Variants in MMS22L observed in about 807,000 individuals in gnomAD.
The protein encoded by MMS22L is MMS22 like, DNA repair protein.
Under a neutral mutation model 159.1 loss-of-function variants are expected in MMS22L, and 74 were observed. The observed-to-expected ratio is 0.47, with a 90% CI of 0.39 to 0.56. The LOEUF (loss-of-function observed/expected upper bound fraction) is 0.56, where lower values mean the gene tolerates loss of function less well. Ranked by LOEUF, MMS22L falls within the 20% of genes least tolerant of loss-of-function variation. The pLI is 0.00. For synonymous variants in MMS22L, 517 were observed against 506.9 expected, an observed-to-expected ratio of 1.02 and a Z score of -0.27; for missense variants, 1,351 against 1,422.1, an observed-to-expected ratio of 0.95 and a Z score of 0.80.
chr6:97,255,915 TC>T (rs1434315322), intron 9 of MMS22L, among the ~76,000 whole-genome samples: 3 of 152,126 alleles, frequency 2.0e-5, no homozygotes, highest in African/African-American at 7.2e-5. Flanking sequence ...TCAAAATTTT[TC>T]CAATATTTGT....
intron 14 of MMS22L, among the ~76,000 whole-genome samples, chr6:97,202,496 T>C (rs929070975): frequency 6.6e-6 from 1 of 152,218 alleles, no homozygotes; most frequent in Non-Finnish European, 1.5e-5. Context: ...TGACTTTGGG[T>C]TCCTGAGCTA....
At chr6:97,200,634 T>C (rs1318822734) in intron 14 of MMS22L, among the ~76,000 whole-genome samples, 1 of 152,000 alleles carries the variant, frequency 6.6e-6, no homozygotes, top group East Asian at 1.9e-4. Flanking sequence ...AATCCATGCA[T>C]ATGCTGGGAT....
At chr6:97,198,905 A>G (rs1806834939) in intron 14 of MMS22L, among the ~76,000 whole-genome samples, 1 of 152,044 alleles carries the variant, frequency 6.6e-6, no homozygotes, top group Non-Finnish European at 1.5e-5. Context: ...CTCTCAATAA[A>G]CTTTATTCAG....
At chr6:97,191,607 T>A (rs926029156) in intron 14 of MMS22L, among the ~76,000 whole-genome samples, 3 of 152,302 alleles carry the variant, frequency 2.0e-5, no homozygotes, top group South Asian at 4.1e-4. Context: ...GTGAAAAATA[T>A]AATGGAAAAT....
rs750405520 is a variant in MMS22L, at chr6:97,162,041, C to T, written c.3346G>A (p.Gly1116Ser). Residue 1116 changes from glycine (G) to serine (S), a missense_variant, in exon 22 of 25, where the codon GGC becomes AGC. Physicochemically the swap from Gly to Ser is moderately conservative, Grantham distance 56. Coordinates refer to ENST00000683635, the MANE Select transcript of MMS22L (RefSeq NM_001350599.2). ...DIYEVELLLPGILKCLVLVSE... is the reference protein window; with the variant it reads ...DIYEVELLLPSILKCLVLVSE... ...ACTAACACCAAGCATTTTAAAATGCCAGGGAGGAGTAGTTCAACTTCATAA... is the reference window on the plus strand; with the variant it reads ...ACTAACACCAAGCATTTTAAAATGCTAGGGAGGAGTAGTTCAACTTCATAA... 1 of 1,611,554 alleles carries T rather than the reference C, an allele frequency of 6.2e-7. No individual in the cohort carries two copies. Among genetic ancestry groups the T allele is most frequent in the Non-Finnish European group, 8.5e-7 (1 of 1,178,824 alleles).
At chr6:97,282,029 ATAGT>A (rs1271972747) in intron 2 of MMS22L, among the ~76,000 whole-genome samples, 1 of 152,192 alleles carries the variant, frequency 6.6e-6, no homozygotes, top group Non-Finnish European at 1.5e-5. Context: ...AAAGGCTCAG[ATAGT>A]TAGGAATTCA....
chr6:97,189,263 TAA>T (rs10707402), intron 14 of MMS22L, among the ~76,000 whole-genome samples: 166 of 139,328 alleles, frequency 1.2e-3, no homozygotes, highest in South Asian at 2.5e-3. Context: ...CCATTAGGTT[TAA>T]AAAAAAAAAA....
At chr6:97,149,448 T>G (rs1801106661) in intron 24 of MMS22L, among the ~76,000 whole-genome samples, 1 of 152,120 alleles carries the variant, frequency 6.6e-6, no homozygotes, top group South Asian at 2.1e-4. Context: ...ATACACATGA[T>G]ACAGTTGACT....
intron 15 of MMS22L, 138 bp from the exon 16 acceptor site, chr6:97,182,192 G>C (rs1804789363): frequency 1.4e-6 from 1 of 695,664 alleles, no homozygotes; most frequent in African/African-American, 1.8e-5. Context: ...TAGAAATGTA[G>C]AGCAAACAAA....
chr6:97,250,907 A>AG (rs577009470), intron 10 of MMS22L, among the ~76,000 whole-genome samples: 82 of 152,300 alleles, frequency 5.4e-4, no homozygotes, highest in African/African-American at 1.9e-3. Context: ...AGTAGAATAA[A>AG]GCATGCTTAC....
At chr6:97,147,482 C>T (rs1477756808) in intron 24 of MMS22L, among the ~76,000 whole-genome samples, 1 of 152,140 alleles carries the variant, frequency 6.6e-6, no homozygotes, top group Non-Finnish European at 1.5e-5. Context: ...TCTTTAGAAC[C>T]AAACTTCTTA....
At chr6:97,272,954 A>C (rs200926455) in intron 5 of MMS22L, 21 bp downstream of exon 5, 74 of 1,608,592 alleles carry the variant, frequency 4.6e-5, no homozygotes, top group Non-Finnish European at 6.2e-5. Flanking sequence ...CAGTGATCAA[A>C]ATACTCATCT....
At chr6:97,205,493 G>A (rs1407305634) in intron 14 of MMS22L, among the ~76,000 whole-genome samples, 1 of 151,996 alleles carries the variant, frequency 6.6e-6, no homozygotes, top group Non-Finnish European at 1.5e-5. Flanking sequence ...CAGATGACGC[G>A]ACAAACTTTC....
chr6:97,171,652 A>G (rs1461436244), intron 19 of MMS22L, among the ~76,000 whole-genome samples: 2 of 152,204 alleles, frequency 1.3e-5, no homozygotes, highest in Non-Finnish European at 2.9e-5. Flanking sequence ...GATTTCATCA[A>G]CAGTTCTGTG....
intron 13 of MMS22L, chr6:97,231,100 A>T (rs1810815277): frequency 4.9e-6 from 1 of 203,058 alleles, no homozygotes. Context: ...AAAACAGCAT[A>T]GTTCCCAAAT....
At chr6:97,188,079 TGGCTAGAGAACCA>T (rs1805440259) in intron 14 of MMS22L, among the ~76,000 whole-genome samples, 1 of 152,210 alleles carries the variant, frequency 6.6e-6, no homozygotes, top group South Asian at 2.1e-4. Context: ...CTTGAACTAG[TGGCTAGAGAACCA>T]TTTCAGTTCC....
rs771071289 is a variant in MMS22L, at chr6:97,228,983, A to G, written c.1950T>C (p.Asn650=). ...CTCGCAGAAGCATACTAAATCCATCATTAAGCAGTTTTTCATGGGAAGGAT... is the reference window on the plus strand; with the variant it reads ...CTCGCAGAAGCATACTAAATCCATCGTTAAGCAGTTTTTCATGGGAAGGAT... ...CLYPSHEKLL[N]DGFSMLLRAC... The change falls in exon 14 of 25, where the codon AAT becomes AAC. Residue 650 remains asparagine (N), a synonymous_variant. Coordinates refer to ENST00000683635, the MANE Select transcript of MMS22L (RefSeq NM_001350599.2). 1.4e-5 allele frequency: 23 copies of G among 1,614,158 alleles called. No homozygotes were observed. The South Asian group carries it at 2.5e-4, about 18-fold the overall frequency.
chr6:97,178,583 T>C lies in MMS22L; in HGVS notation c.2539A>G (p.Lys847Glu). The C allele has an allele frequency of 1.3e-6, 2 of 1,483,986 alleles. No individual in the cohort carries two copies. The highest frequency in any genetic ancestry group is 2.8e-5 in the African/African-American group (2 of 70,816). The allele number at this position is 1,483,986 out of a possible 1,614,324, so 91.9% of individuals were successfully genotyped here. ...TTGACCAACTGTTTCATGTACTCTT[T>C]TTCTGTTAAAATAAAATAGTATTTG... ...IDKNLEEAVE[K>E]EYMKQLVKLT... is the part of the protein sequence containing the mutation. Residue 847 changes from lysine to glutamate, a missense_variant and splice_region_variant, in exon 18 of 25, where the codon AAA becomes GAA. By Grantham distance (56) the Lys-to-Glu change is moderately conservative (BLOSUM62 1). Transcript: ENST00000683635.
At chr6:97,246,246 T>G in intron 11 of MMS22L, 1 of 423,274 alleles carries the variant, frequency 2.4e-6, no homozygotes, top group South Asian at 1.8e-5. Context: ...GTAAGACAAA[T>G]TGCTCAGCAA....
Sources: gnomAD v4.1 joint callset for allele counts (sites outside exome capture counted in the v4.1 genomes callset) on GRCh38, gnomAD v4.1.1 for gene constraint, MANE v1.5 for transcripts, NCBI Gene and HGNC (gene_info 2026-07-23, HGNC 2026-07-21) for gene names.